ZNF398: variants seen among roughly 807,000 people sequenced by gnomAD.
The protein encoded by ZNF398 is zinc finger DNA binding protein ZER6.
ZNF398 carries 18 observed loss-of-function variants against 41.9 expected under a neutral mutation model. The ratio of observed to expected loss-of-function variants is 0.43; its 90% CI spans 0.30 to 0.64. The LOEUF (loss-of-function observed/expected upper bound fraction) is 0.64. ZNF398 is among the 30% of genes least tolerant of loss of function. The pLI is 0.14. For missense variants in ZNF398, 669 were observed against 822.8 expected (o/e 0.81, Z 2.29); for synonymous variants, 260 against 308.8 (o/e 0.84, Z 1.66).
intron 2 of ZNF398, among the ~76,000 whole-genome samples, chr7:149,162,038 A>T (rs980807789): frequency 6.6e-5 from 10 of 152,130 alleles, no homozygotes; most frequent in African/African-American, 2.4e-4. Context: ...TTACTTATTT[A>T]TATATTTTTC....
At chr7:149,173,518 C>T (rs1348897099) in intron 4 of ZNF398, among the ~76,000 whole-genome samples, 1 of 152,060 alleles carries the variant, frequency 6.6e-6, no homozygotes, top group African/African-American at 2.4e-5. Context: ...GTAAAAATTA[C>T]TCCTTGATCT....
At chr7:149,152,551 G>A (rs1280102966) in intron 1 of ZNF398, among the ~76,000 whole-genome samples, 3 of 149,234 alleles carry the variant, frequency 2.0e-5, no homozygotes, top group Non-Finnish European at 3.0e-5. Context: ...GAGCCACCGC[G>A]CCTGGCCTAG....
At chr7:149,166,076 AT>A (rs1795220161) in intron 2 of ZNF398, 81 bp from the exon 3 acceptor site, 35 of 1,457,850 alleles carry the variant, frequency 2.4e-5, no homozygotes, top group African/African-American at 5.7e-5. Context: ...TGTAAAAAAA[AT>A]AAAAGGAACT....
intron 4 of ZNF398, among the ~76,000 whole-genome samples, chr7:149,167,850 A>G (rs1475164846): frequency 6.6e-6 from 1 of 151,756 alleles, no homozygotes; most frequent in African/African-American, 2.4e-5. Context: ...TGACCTCGTG[A>G]TCCACCCGCC....
At chr7:149,152,890 C>G (rs538203472) in intron 1 of ZNF398, among the ~76,000 whole-genome samples, 1 of 148,114 alleles carries the variant, frequency 6.8e-6, no homozygotes, top group South Asian at 2.1e-4. Flanking sequence ...GACACAGTCT[C>G]CCTCTGTTGC....
chr7:149,165,117 A>G (rs923698944), intron 2 of ZNF398, among the ~76,000 whole-genome samples: 4 of 151,984 alleles, frequency 2.6e-5, no homozygotes, highest in Admixed American at 6.6e-5. Context: ...AAAAGAAAGA[A>G]AGAAAATGCA....
At position 149,147,882 on chromosome 7, in the gene ZNF398, CGTCGCCT is replaced by C; in HGVS notation, c.24+123_24+129del. The C allele has an allele frequency of 8.4e-7, 1 of 1,192,646 alleles. No homozygotes were observed. Among genetic ancestry groups the C allele is most frequent in the East Asian group, 3.2e-5 (1 of 30,950 alleles). 73.9% of individuals were successfully genotyped at this position (1,192,646 alleles called of 1,614,324 possible). A position where few individuals can be genotyped will look rare whatever the true frequency, so the allele number is the denominator to read the frequency against. ...CGCCGTTCTCGGGTCCCGCCGGCCA[CGTCGCCT>C]GTCGCCCGTGCTTGGCGGCTGCAGC... On this transcript the variant is annotated intron_variant, in intron 1 of 5. Transcript: ENST00000475153. This position sits in a 1 kb window ranked among gnomAD's most constrained non-coding sequence, Gnocchi z 5.6.
chr7:149,174,216 T>C (rs1795416299), intron 4 of ZNF398, among the ~76,000 whole-genome samples: 1 of 152,212 alleles, frequency 6.6e-6, no homozygotes, highest in Non-Finnish European at 1.5e-5. Context: ...AGCCAGACAT[T>C]GACTTCTCTC....
chr7:149,178,574 G>A, intron 5 of ZNF398, 74 bp from the exon 6 acceptor site: 1 of 1,273,924 alleles, frequency 7.8e-7, no homozygotes, highest in Middle Eastern at 2.4e-4. Flanking sequence ...ATCTGTTAGA[G>A]CTGGGTAGGA....
At chr7:149,143,352 GT>G (rs767737650), upstream of ZNF398, among the ~76,000 whole-genome samples, 3 of 152,168 alleles carry the variant, frequency 2.0e-5, no homozygotes, top group Non-Finnish European at 4.4e-5. Flanking sequence ...AGACAAAAGA[GT>G]TTGTTGGAAC....
chr7:149,147,201 C>T (rs1826964637), upstream of ZNF398: 1 of 152,242 alleles, frequency 6.6e-6, no homozygotes, highest in African/African-American at 2.4e-5. This position sits in a 1 kb window ranked among gnomAD's most constrained non-coding sequence, Gnocchi z 5.6. Context: ...GAAAATCACT[C>T]CCCAGAATGA....
At chr7:149,166,605 C>T (rs1795230189) in intron 3 of ZNF398, among the ~76,000 whole-genome samples, 1 of 152,208 alleles carries the variant, frequency 6.6e-6, no homozygotes. Context: ...TAACCTAGCA[C>T]ATGTGCTTTC....
chr7:149,172,006 A>G (rs1795353308), intron 4 of ZNF398, among the ~76,000 whole-genome samples: 2 of 152,168 alleles, frequency 1.3e-5, no homozygotes, highest in Admixed American at 6.6e-5. Flanking sequence ...TATGCAGTGC[A>G]TGACTCCATG....
At chr7:149,170,692 A>C (rs1795315659) in intron 4 of ZNF398, among the ~76,000 whole-genome samples, 1 of 151,618 alleles carries the variant, frequency 6.6e-6, no homozygotes, top group African/African-American at 2.4e-5. Flanking sequence ...CCGAGATTAC[A>C]CCACTGCACT....
rs1210560438 is a variant in ZNF398 at position 149,183,022 on chromosome 7, A to AT, written c.*3223dup. 1.7e-4 allele frequency among the ~76,000 whole-genome samples: 11 copies of AT among 66,044 alleles called. No homozygotes were observed. Among genetic ancestry groups the AT allele is most frequent in the African/African-American group, 4.9e-4 (10 of 20,370 alleles). The allele number at this position is 66,044 out of a possible 152,430, so 43.3% of individuals were successfully genotyped here. On this transcript the variant is annotated 3_prime_UTR_variant, in exon 6 of 6. Transcript: ENST00000475153. ...AACAGTCCACACAAGCCTCGTTGAT[A>AT]TTAAAAAAAAAAAAAAAAAAGGACC...
chr7:149,126,421 C>T (rs1826478050), exon 1 of ZNF398: 4 of 976,034 alleles, frequency 4.1e-6, no homozygotes, highest in Admixed American at 3.4e-5. Flanking sequence ...GGGAGTCGGT[C>T]CTCAGAGGAG....
At chr7:149,146,422 G>A (rs943358708), upstream of ZNF398, among the ~76,000 whole-genome samples, 1 of 152,082 alleles carries the variant, frequency 6.6e-6, no homozygotes, top group Non-Finnish European at 1.5e-5. Flanking sequence ...TGGTAGCTGC[G>A]CCTGTAGTCC....
At chr7:149,143,101 T>C (rs1435283391), upstream of ZNF398, among the ~76,000 whole-genome samples, 1 of 151,386 alleles carries the variant, frequency 6.6e-6, no homozygotes, top group Non-Finnish European at 1.5e-5. Flanking sequence ...TAATAGACAA[T>C]TACTGGCCAG....
chr7:149,143,676 G>A (rs984838789), upstream of ZNF398, among the ~76,000 whole-genome samples: 2 of 152,138 alleles, frequency 1.3e-5, no homozygotes, highest in Admixed American at 6.6e-5. Context: ...AGCCCCCATG[G>A]TGGCGCATGC....
Sources: allele counts gnomAD v4.1 joint callset (sites outside exome capture counted in the v4.1 genomes callset), GRCh38; gene constraint gnomAD v4.1.1; non-coding constraint Gnocchi (gnomAD v3.1); transcripts MANE v1.5; gene names NCBI Gene and HGNC (gene_info 2026-07-23, HGNC 2026-07-21).